The following ZNF829 variants were observed in gnomAD, a reference collection of about 807,000 sequenced individuals.
ZNF829 encodes zinc finger protein 829.
Under a neutral mutation model 35.2 loss-of-function variants are expected in ZNF829, and 25 were observed. That is an observed-to-expected ratio of 0.71 (90% CI 0.52 to 0.99). The LOEUF (loss-of-function observed/expected upper bound fraction) is 0.99, where lower values mean the gene tolerates loss of function less well. ZNF829 is among the 50% of genes least tolerant of loss of function. The pLI is 0.00. For synonymous variants in ZNF829, 136 were observed against 163.2 expected, an observed-to-expected ratio of 0.83 and a Z score of 1.27; for missense variants, 417 against 515.3, an observed-to-expected ratio of 0.81 and a Z score of 1.85.
intron 5 of ZNF829, among the ~76,000 whole-genome samples, chr19:36,902,869 C>T (rs1178950686): frequency 6.6e-6 from 1 of 151,942 alleles, no homozygotes; most frequent in Non-Finnish European, 1.5e-5. Context: ...AACCCCGTCT[C>T]TACTAAAAAT....
rs2146256683 is a variant in ZNF829 at position 36,916,072 on chromosome 19, GCAGGCCAC to G, written c.-154_-147del. 1.2e-6 allele frequency: 1 copy of G among 807,826 alleles called. No homozygotes were observed. Among genetic ancestry groups the G allele is most frequent in the African/African-American group, 1.8e-5 (1 of 57,136 alleles). The allele number at this position is 807,826 out of a possible 1,614,324, so 50.0% of individuals were successfully genotyped here. A position where few individuals can be genotyped will look rare whatever the true frequency, so the allele number is the denominator to read the frequency against. On this transcript the variant is annotated 5_prime_UTR_variant, in exon 1 of 6. The change creates a premature stop within an existing upstream ORF in the 5' untranslated region. Transcript: ENST00000391711. This position sits in a 1 kb window ranked among gnomAD's most constrained non-coding sequence, Gnocchi z 5.3. ...CGTTCGAATTCCTGCGAGAAAAGTG[GCAGGCCAC>G]CAGGCCCTCTGGGAAATGTAGTCCA...
chr19:36,916,195 C>A lies in ZNF829; in HGVS notation c.-269G>T. ...CAACTCTCAACATCCAGCCGAGCCT[C>A]GGAGTTGCGGGTCGCCGTAGCGCTG... On this transcript the variant is annotated 5_prime_UTR_variant, in exon 1 of 6. Coordinates refer to ENST00000391711, the MANE Select transcript of ZNF829 (RefSeq NM_001037232.4). This position sits in a 1 kb window ranked among gnomAD's most constrained non-coding sequence, Gnocchi z 5.3. 2.1e-6 allele frequency: 1 copy of A among 475,188 alleles called. No homozygotes were observed. Among genetic ancestry groups the A allele is most frequent in the Non-Finnish European group, 3.7e-6 (1 of 267,710 alleles). 29.4% of individuals were successfully genotyped at this position (475,188 alleles called of 1,614,324 possible). A position where few individuals can be genotyped will look rare whatever the true frequency, so the allele number is the denominator to read the frequency against.
chr19:36,893,899 T>C (rs1481541441), intron 5 of ZNF829, among the ~76,000 whole-genome samples: 1 of 152,144 alleles, frequency 6.6e-6, no homozygotes, highest in Non-Finnish European at 1.5e-5. Context: ...TTTGCCCTCC[T>C]GAAAATCTAA....
chr19:36,915,502 C>T (rs1412003024), intron 1 of ZNF829, among the ~76,000 whole-genome samples: 2 of 151,944 alleles, frequency 1.3e-5, no homozygotes, highest in Non-Finnish European at 1.5e-5. Flanking sequence ...CGGGAACACA[C>T]AGCCACAACC....
intron 4 of ZNF829, 34 bp downstream of exon 4, chr19:36,908,299 C>A (rs1400099675): frequency 6.3e-7 from 1 of 1,592,496 alleles, no homozygotes; most frequent in Non-Finnish European, 8.5e-7. Context: ...CTTCCAAGGG[C>A]ACACTCTGAA....
At chr19:36,910,611 A>G (rs1411586077) in intron 3 of ZNF829, among the ~76,000 whole-genome samples, 2 of 152,210 alleles carry the variant, frequency 1.3e-5, no homozygotes, top group Non-Finnish European at 2.9e-5. Context: ...TTCTTAGGCA[A>G]AAATACTTTT....
chr19:36,903,520 C>T (rs1459176922), intron 5 of ZNF829, among the ~76,000 whole-genome samples: 1 of 152,138 alleles, frequency 6.6e-6, no homozygotes, highest in Non-Finnish European at 1.5e-5. Flanking sequence ...CCTCCCACAT[C>T]TTTCTTTATA....
chr19:36,892,567 G>A, intron 5 of ZNF829, 96 bp from the exon 6 acceptor site: 1 of 1,295,620 alleles, frequency 7.7e-7, no homozygotes, highest in Non-Finnish European at 1.0e-6. Flanking sequence ...AAGAATATCT[G>A]AGAAATTACA....
intron 5 of ZNF829, among the ~76,000 whole-genome samples, chr19:36,893,392 G>A (rs941126461): frequency 8.5e-5 from 13 of 152,190 alleles, no homozygotes; most frequent in African/African-American, 3.1e-4. Flanking sequence ...TGAGACACAA[G>A]AGAGTTAAGA....
chr19:36,893,028 A>C (rs1481933756), intron 5 of ZNF829: 1 of 403,752 alleles, frequency 2.5e-6, no homozygotes, highest in Non-Finnish European at 4.4e-6. Context: ...ACATATGCTC[A>C]CATGCACAGA....
At chr19:36,896,993 A>C (rs2146231964) in intron 5 of ZNF829, among the ~76,000 whole-genome samples, 1 of 152,302 alleles carries the variant, frequency 6.6e-6, no homozygotes, top group East Asian at 1.9e-4. Flanking sequence ...ACCTACCAAG[A>C]CTGAACCAGG....
At chr19:36,911,951 G>A (rs559699400) in intron 3 of ZNF829, among the ~76,000 whole-genome samples, 19 of 152,302 alleles carry the variant, frequency 1.2e-4, no homozygotes, top group Non-Finnish European at 2.5e-4. Context: ...GCTTCTCTGA[G>A]AGACTCTTAA....
rs1311876308 is a variant in ZNF829 at position 36,891,268 on chromosome 19, C to T, written c.*224G>A. The T allele has an allele frequency of 4.8e-5, 22 of 456,258 alleles. No homozygotes were observed. The highest frequency in any genetic ancestry group is 3.5e-4 in the East Asian group (10 of 28,828). 28.3% of individuals were successfully genotyped at this position (456,258 alleles called of 1,614,324 possible). A position where few individuals can be genotyped will look rare whatever the true frequency, so the allele number is the denominator to read the frequency against. ...TCAGAGTCCTCAGAAGGAACCAAAA[C>T]GATCAGCACCCTTGAGTTTAGATTT... is the stretch of plus-strand genomic sequence containing the variant. On this transcript the variant is annotated 3_prime_UTR_variant, in exon 6 of 6. Transcript: ENST00000391711.
At chr19:36,915,976 C>T in intron 1 of ZNF829, 35 bp downstream of exon 1, 1 of 1,517,896 alleles carries the variant, frequency 6.6e-7, no homozygotes. Flanking sequence ...ACTTGCAGAC[C>T]TGAGCCAGTT....
chr19:36,913,878 A>C (rs188885550), intron 3 of ZNF829, among the ~76,000 whole-genome samples: 1 of 152,310 alleles, frequency 6.6e-6, no homozygotes, highest in Non-Finnish European at 1.5e-5. Flanking sequence ...AGACGAGCTA[A>C]TCAAGACTGT....
chr19:36,899,497 T>C (rs921927700), intron 5 of ZNF829, among the ~76,000 whole-genome samples: 9 of 150,950 alleles, frequency 6.0e-5, no homozygotes, highest in African/African-American at 2.2e-4. Context: ...AAAAAATACA[T>C]ATATATATAT....
chr19:36,898,678 G>C (rs1321903578), intron 5 of ZNF829, among the ~76,000 whole-genome samples: 1 of 152,128 alleles, frequency 6.6e-6, no homozygotes, highest in Non-Finnish European at 1.5e-5. Flanking sequence ...TGGAACAGAA[G>C]AGAGAACCCA....
chr19:36,912,026 G>C (rs189729516), intron 3 of ZNF829, among the ~76,000 whole-genome samples: 1 of 152,300 alleles, frequency 6.6e-6, no homozygotes, highest in Admixed American at 6.5e-5. Context: ...ACCAAAACAA[G>C]TCAAGAAAGA....
intron 3 of ZNF829, among the ~76,000 whole-genome samples, chr19:36,910,932 G>A (rs942742729): frequency 4.6e-5 from 7 of 152,082 alleles, no homozygotes; most frequent in Non-Finnish European, 7.4e-5. Context: ...GCTTGAACCC[G>A]GGAGGCGGAG....
Sources: gnomAD v4.1 joint callset for allele counts (sites outside exome capture counted in the v4.1 genomes callset) on GRCh38, gnomAD v4.1.1 for gene constraint, Gnocchi (gnomAD v3.1) non-coding constraint, MANE v1.5 for transcripts, NCBI Gene and HGNC (gene_info 2026-07-23, HGNC 2026-07-21) for gene names.